The following ATAD1 variants were observed in gnomAD, a reference collection of about 807,000 sequenced individuals.
The protein encoded by ATAD1 is outer mitochondrial transmembrane helix translocase.
ATAD1 carries 18 observed loss-of-function variants against 42.7 expected under a neutral mutation model. The observed-to-expected ratio is 0.42, with a 90% CI of 0.29 to 0.63. The LOEUF (loss-of-function observed/expected upper bound fraction) is 0.63. Ranked by LOEUF, ATAD1 falls within the 20% of genes least tolerant of loss-of-function variation. The pLI, the probability that ATAD1 is intolerant of heterozygous loss-of-function variation, is 0.19. For synonymous variants in ATAD1, 132 were observed against 143.1 expected, an observed-to-expected ratio of 0.92 and a Z score of 0.55; for missense variants, 294 against 440.4, an observed-to-expected ratio of 0.67 and a Z score of 2.98.
upstream of ATAD1, chr10:87,818,374 A>G (rs1463767151): frequency 4.1e-6 from 2 of 489,876 alleles, no homozygotes; most frequent in African/African-American, 4.2e-5. Context: ...ATGTCTGCTT[A>G]AGCTACCTGC....
chr10:87,811,871 A>C (rs1429815602), intron 2 of ATAD1, among the ~76,000 whole-genome samples: 1 of 152,214 alleles, frequency 6.6e-6, no homozygotes, highest in African/African-American at 2.4e-5. Context: ...CAACATGGCC[A>C]GATCAAATGT....
At chr10:87,771,549 T>C (rs1037876515) in intron 6 of ATAD1, among the ~76,000 whole-genome samples, 2 of 152,264 alleles carry the variant, frequency 1.3e-5, no homozygotes, top group African/African-American at 4.8e-5. Flanking sequence ...TTTTTCTCTA[T>C]ATTTCACATC....
At chr10:87,772,073 C>T (rs1369450908) in intron 6 of ATAD1, among the ~76,000 whole-genome samples, 1 of 152,084 alleles carries the variant, frequency 6.6e-6, no homozygotes, top group Non-Finnish European at 1.5e-5. Flanking sequence ...GAGTTTGCCA[C>T]CTAGAGGAAG....
At chr10:87,756,727 A>G in intron 9 of ATAD1, 62 bp downstream of exon 9, 1 of 1,439,826 alleles carries the variant, frequency 6.9e-7, no homozygotes, top group Non-Finnish European at 9.3e-7. Flanking sequence ...AAATAAAAGA[A>G]ACTAACCTAA....
chr10:87,837,914 G>C lies in ATAD1; in HGVS notation c.-14+3273C>G, dbSNP rs144418853. 2.1e-3 allele frequency among the ~76,000 whole-genome samples: 320 copies of C among 152,288 alleles called. 4 individuals carry two copies. The highest frequency in any genetic ancestry group is 7.3e-3 in the African/African-American group (305 of 41,566). ...TAGGTGCCTGGGGCACTAGAGAATG[G>C]AGAACAAAAGAGAAGAAATTGGCAG... is the stretch of plus-strand genomic sequence containing the variant. On this transcript the variant is annotated intron_variant, in intron 1 of 4. Transcript: ENST00000495903.
chr10:87,799,893 A>G (rs1353776456), intron 2 of ATAD1, among the ~76,000 whole-genome samples: 1 of 151,914 alleles, frequency 6.6e-6, no homozygotes, highest in East Asian at 1.9e-4. Context: ...AGGAAGTAAG[A>G]GACATGTAAA....
intron 2 of ATAD1, among the ~76,000 whole-genome samples, chr10:87,806,216 T>C (rs1404664035): frequency 6.6e-6 from 1 of 152,110 alleles, no homozygotes; most frequent in Non-Finnish European, 1.5e-5. Flanking sequence ...TGTATTCATG[T>C]AGAAAAGACT....
intron 1 of ATAD1, among the ~76,000 whole-genome samples, chr10:87,837,197 T>G (rs961291440): frequency 1.3e-5 from 2 of 152,198 alleles, no homozygotes; most frequent in Non-Finnish European, 2.9e-5. Context: ...GGTTCTTGTA[T>G]GCTGACTAGT....
chr10:87,793,004 G>A (rs1002806627), intron 2 of ATAD1, among the ~76,000 whole-genome samples: 3 of 152,122 alleles, frequency 2.0e-5, no homozygotes, highest in African/African-American at 7.2e-5. Flanking sequence ...GTATGTGACT[G>A]AAGAGATCTT....
intron 1 of ATAD1, among the ~76,000 whole-genome samples, chr10:87,834,728 T>C (rs1426593195): frequency 6.6e-6 from 1 of 152,058 alleles, no homozygotes; most frequent in Non-Finnish European, 1.5e-5. Flanking sequence ...GTTTCATTAA[T>C]TTTTCTCTAT....
chr10:87,818,642 CAA>C (rs1480581579), upstream of ATAD1: 1 of 152,346 alleles, frequency 6.6e-6, no homozygotes, highest in Non-Finnish European at 1.5e-5. Flanking sequence ...GTACTTTAGC[CAA>C]AACGCAGAAG....
At chr10:87,769,270 T>C (rs2131807970) in intron 7 of ATAD1, among the ~76,000 whole-genome samples, 1 of 152,282 alleles carries the variant, frequency 6.6e-6, no homozygotes, top group African/African-American at 2.4e-5. Context: ...CAGTCTACCT[T>C]TTCAGCCTCC....
At chr10:87,765,751 C>T (rs998643695) in intron 8 of ATAD1, among the ~76,000 whole-genome samples, 2 of 152,022 alleles carry the variant, frequency 1.3e-5, no homozygotes, top group Admixed American at 1.3e-4. Context: ...CATTTTTGAC[C>T]AGCTGTGGTG....
intron 9 of ATAD1, 64 bp downstream of exon 9, chr10:87,756,725 G>A: frequency 7.0e-7 from 1 of 1,425,290 alleles, no homozygotes. Flanking sequence ...CAAAATAAAA[G>A]AAACTAACCT....
intron 6 of ATAD1, among the ~76,000 whole-genome samples, chr10:87,771,734 T>A (rs1362794749): frequency 1.3e-5 from 2 of 151,594 alleles, no homozygotes; most frequent in Non-Finnish European, 2.9e-5. Context: ...ATGTCACTTA[T>A]TTATAAAGGA....
At chr10:87,794,618 C>T (rs778643112) in intron 2 of ATAD1, among the ~76,000 whole-genome samples, 1 of 152,150 alleles carries the variant, frequency 6.6e-6, no homozygotes, top group Non-Finnish European at 1.5e-5. Context: ...GAACATTCTA[C>T]AAGGCACAGG....
intron 8 of ATAD1, among the ~76,000 whole-genome samples, chr10:87,765,238 T>C (rs2131786112): frequency 6.6e-6 from 1 of 152,228 alleles, no homozygotes; most frequent in South Asian, 2.1e-4. Context: ...TTGATAAAAG[T>C]AGTATCTCTA....
intron 3 of ATAD1, among the ~76,000 whole-genome samples, chr10:87,792,011 C>T (rs908587593): frequency 4.6e-5 from 7 of 152,130 alleles, no homozygotes; most frequent in African/African-American, 7.2e-5. Context: ...TAAAGCAGTA[C>T]GCTTTATACA....
chr10:87,828,681 T>C (rs552777339), intron 1 of ATAD1, among the ~76,000 whole-genome samples: 3 of 152,340 alleles, frequency 2.0e-5, no homozygotes, highest in Admixed American at 2.0e-4. Context: ...GAAAATGCCA[T>C]CTGGGACTTT....
Sources: gnomAD v4.1 joint callset for allele counts (sites outside exome capture counted in the v4.1 genomes callset) on GRCh38, gnomAD v4.1.1 for gene constraint, MANE v1.5 for transcripts, NCBI Gene and HGNC (gene_info 2026-07-23, HGNC 2026-07-21) for gene names.